Variants in ENPEP observed in about 807,000 individuals in gnomAD.
ENPEP encodes glutamyl aminopeptidase.
A neutral mutation model predicts 114.5 loss-of-function variants in ENPEP; 103 were observed. That is an observed-to-expected ratio of 0.90 (90% confidence interval 0.77 to 1.06). The LOEUF is 1.06. Ranked by LOEUF, ENPEP falls within the 50% of genes least tolerant of loss-of-function variation. The probability of loss-of-function intolerance (pLI) is 0.00; values close to 1 mark genes in which losing one functional copy is unlikely to be tolerated. For missense variants in ENPEP, 1,196 were observed against 1,161.3 expected (o/e 1.03, Z -0.43); for synonymous variants, 420 against 422.0 (o/e 1.00, Z 0.06).
intron 6 of ENPEP, among the ~76,000 whole-genome samples, 186 bp downstream of exon 6, chr4:110,510,544 G>C (rs2110354420): frequency 6.6e-6 from 1 of 151,836 alleles, no homozygotes; most frequent in South Asian, 2.1e-4. Flanking sequence ...TACCTAGAAG[G>C]GCAGCTGATC....
Position 110,548,301 on chromosome 4 carries a change from A to G in ENPEP, c.2126A>G (p.Asp709Gly), listed in dbSNP as rs748582293. ...VTYIISMFED[D>G]KELYPMIEEY... Reference sequence around the variant, plus strand: ...TACATCATTAGCATGTTTGAAGATGATAAAGAGCTATATCCTATGATTGAG... The same window carrying G: ...TACATCATTAGCATGTTTGAAGATGGTAAAGAGCTATATCCTATGATTGAG... Residue 709 changes from aspartate to glycine, a missense_variant, in exon 14 of 20, where the codon GAT becomes GGT. By Grantham distance (94) the Asp-to-Gly change is moderately conservative. Transcript: ENST00000265162. The G allele has an allele frequency of 3.1e-6, 5 of 1,602,654 alleles. No homozygotes were observed. Among genetic ancestry groups the G allele is most frequent in the Middle Eastern group, 1.7e-4 (1 of 6,042 alleles).
In ENPEP at chr4:110,515,366, C is replaced by A. The variant is rs772184787; in HGVS notation, c.1444-11C>A. ...TTATTAGTTTCATTTGTCTTTTTAT[C>A]CCCATTGTAGGGATCTTCTATTTTG... On this transcript the variant is annotated splice_polypyrimidine_tract_variant and intron_variant, in intron 7 of 19. Coordinates refer to ENST00000265162, the MANE Select transcript of ENPEP (RefSeq NM_001977.4). 1.2e-6 allele frequency: 2 copies of A among 1,604,500 alleles called. No individual in the cohort carries two copies. Among genetic ancestry groups the A allele is most frequent in the Admixed American group, 1.7e-5 (1 of 58,260 alleles).
intron 8 of ENPEP, among the ~76,000 whole-genome samples, chr4:110,519,752 G>C (rs1389704746): frequency 1.3e-5 from 2 of 151,710 alleles, no homozygotes; most frequent in African/African-American, 4.8e-5. Context: ...TTTTTTTAAG[G>C]CTCATAAACT....
intron 1 of ENPEP, among the ~76,000 whole-genome samples, chr4:110,482,099 A>G (rs2110331580): frequency 6.6e-6 from 1 of 152,348 alleles, no homozygotes. Flanking sequence ...AAATTACCCC[A>G]TGACTTTTTG....
intron 1 of ENPEP, among the ~76,000 whole-genome samples, chr4:110,482,966 G>A (rs1384217919): frequency 1.3e-5 from 2 of 152,210 alleles, no homozygotes; most frequent in South Asian, 2.1e-4. Flanking sequence ...TCAAGATCGC[G>A]CCACTGCACT....
intron 4 of ENPEP, among the ~76,000 whole-genome samples, chr4:110,508,269 CA>C (rs11451516): frequency 0.021 from 2,335 of 109,306 alleles, 31 homozygotes; most frequent in African/African-American, 0.051. Flanking sequence ...CAGTACTGAC[CA>C]AAAAAAAAAA....
intron 8 of ENPEP, among the ~76,000 whole-genome samples, chr4:110,517,787 CA>C: frequency 6.6e-6 from 1 of 152,274 alleles, no homozygotes; most frequent in East Asian, 1.9e-4. Flanking sequence ...ACAAAACACC[CA>C]AACACCCTTT....
intron 6 of ENPEP, 53 bp from the exon 7 acceptor site, chr4:110,513,362 T>C: frequency 1.3e-6 from 2 of 1,548,682 alleles, no homozygotes; most frequent in East Asian, 2.3e-5. Context: ...TTTTAGTTTA[T>C]AAACTAGTAT....
In ENPEP at chr4:110,517,703, T is replaced by G. The variant is rs1008695170; in HGVS notation, c.1509+2261T>G. On this transcript the variant is annotated intron_variant, in intron 8 of 19. Transcript: ENST00000265162. ...GTCTTCCTTTAACTGTGATCACAGA[T>G]GGTGCTAAAAACTGAACTATGAAGA... Among the ~76,000 whole-genome samples, 3 of 152,202 alleles carry G rather than the reference T, an allele frequency of 2.0e-5. No individual in the cohort carries two copies. In the East Asian group the frequency reaches 5.8e-4, roughly 29 times the overall value.
chr4:110,491,124 A>T lies in ENPEP; in HGVS notation c.878A>T (p.Gln293Leu). 6.2e-7 allele frequency: 1 copy of T among 1,611,754 alleles called. No homozygotes were observed. The highest frequency in any genetic ancestry group is 2.2e-5 in the East Asian group (1 of 44,850). Residue 293 changes from glutamine to leucine, a missense_variant, in exon 3 of 20, where the codon CAA becomes CTA. Transcript: ENST00000265162. ...TACCTGGTGTGCTTTGCTGTACATC[A>T]ATTTGACTCTGTAAAGAGAATATCA... is the stretch of plus-strand genomic sequence containing the variant. ...STYLVCFAVH[Q>L]FDSVKRISNS...
At chr4:110,558,100 A>G (rs1361160436) in intron 18 of ENPEP, among the ~76,000 whole-genome samples, 1 of 126,620 alleles carries the variant, frequency 7.9e-6, no homozygotes, top group African/African-American at 3.0e-5. Context: ...GGCTCAGTGG[A>G]TCCTCTCATC....
chr4:110,530,860 G>A (rs930322605), intron 10 of ENPEP, among the ~76,000 whole-genome samples: 1 of 152,158 alleles, frequency 6.6e-6, no homozygotes, highest in African/African-American at 2.4e-5. Flanking sequence ...AAGTATGTGT[G>A]TGAATGTTCA....
At chr4:110,519,796 A>T (rs1385418167) in intron 8 of ENPEP, among the ~76,000 whole-genome samples, 1 of 152,214 alleles carries the variant, frequency 6.6e-6, no homozygotes, top group Non-Finnish European at 1.5e-5. Flanking sequence ...ATAGTTGAAA[A>T]AAATCAAAAG....
At chr4:110,508,195 G>A (rs1487047317) in intron 4 of ENPEP, among the ~76,000 whole-genome samples, 7 of 150,506 alleles carry the variant, frequency 4.7e-5, no homozygotes, top group Admixed American at 4.0e-4. Flanking sequence ...ACTCCTTAGA[G>A]GTGACTTCTG....
chr4:110,509,646 T>A lies in ENPEP; in HGVS notation c.1040-7T>A. Reference sequence around the variant, plus strand: ...TATTTCTCACTGGACTCTTTCTTCTTCTATAGATAAAATCGCTATTCCAGA... The same window carrying A: ...TATTTCTCACTGGACTCTTTCTTCTACTATAGATAAAATCGCTATTCCAGA... On this transcript the variant is annotated splice_polypyrimidine_tract_variant and splice_region_variant and intron_variant, in intron 4 of 19. Transcript: ENST00000265162. The A allele has an allele frequency of 6.2e-7, 1 of 1,610,616 alleles. No homozygotes were observed.
chr4:110,563,248 A>G lies in ENPEP; in HGVS notation c.*1690A>G, dbSNP rs1727733051. 2.0e-5 allele frequency: 3 copies of G among 152,192 alleles called. No homozygotes were observed. The South Asian group carries it at 6.2e-4, about 31-fold the overall frequency. The allele number at this position is 152,192 out of a possible 1,614,324, so 9.4% of individuals were successfully genotyped here. A position where few individuals can be genotyped will look rare whatever the true frequency, so the allele number is the denominator to read the frequency against. On this transcript the variant is annotated 3_prime_UTR_variant, in exon 20 of 20. Transcript: ENST00000265162. ...GACATATTATGAGGTGAGATGGTTT[A>G]TCCTTCTGTTTTATGAAATTAATAC...
At chr4:110,477,172 G>A in intron 1 of ENPEP, 114 bp downstream of exon 1, 1 of 1,373,860 alleles carries the variant, frequency 7.3e-7, no homozygotes, top group East Asian at 2.5e-5. Context: ...ATATTGATCG[G>A]CTCTTGGTTT....
chr4:110,561,531 G>T lies in ENPEP; in HGVS notation c.2847G>T (p.Trp949Cys), dbSNP rs201213870. The T allele has an allele frequency of 2.2e-5, 35 of 1,613,390 alleles. No individual in the cohort carries two copies. The highest frequency in any genetic ancestry group is 2.8e-5 in the Non-Finnish European group (33 of 1,179,782). ...AACATAGAAACACCATCAGAGAATG[G>T]TTTTTTAATTTACTTGAGAGTGGTT... Reference protein sequence around the residue: ...LKQHRNTIREWFFNLLESG With the variant: ...LKQHRNTIRECFFNLLESG Residue 949 changes from tryptophan to cysteine, a missense_variant, in exon 20 of 20, where the codon TGG (tryptophan) becomes TGT (cysteine). Physicochemically the swap from Trp to Cys is radical, Grantham distance 215 (BLOSUM62 -2). Coordinates refer to ENST00000265162, the MANE Select transcript of ENPEP (RefSeq NM_001977.4).
At chr4:110,497,872 T>A (rs763378312) in intron 3 of ENPEP, among the ~76,000 whole-genome samples, 56 of 152,334 alleles carry the variant, frequency 3.7e-4, no homozygotes, top group Non-Finnish European at 6.6e-4. Flanking sequence ...TTCAACTAAG[T>A]ACCCTCCTCT....
Sources: gnomAD v4.1 joint callset for allele counts (sites outside exome capture counted in the v4.1 genomes callset) on GRCh38, gnomAD v4.1.1 for gene constraint, MANE v1.5 for transcripts, NCBI Gene and HGNC (gene_info 2026-07-23, HGNC 2026-07-21) for gene names.